C2: variants seen among roughly 807,000 people sequenced by gnomAD.
C2 encodes the protein complement C2.
C2 carries 64 observed loss-of-function variants against 85.2 expected under a neutral mutation model. That is an observed-to-expected ratio of 0.75 (90% confidence interval 0.61 to 0.92). C2 has a LOEUF of 0.92. C2 is among the 40% of genes least tolerant of loss of function. The probability of loss-of-function intolerance (pLI) is 0.00; values close to 1 mark genes in which losing one functional copy is unlikely to be tolerated. For missense variants in C2, 820 were observed against 971.6 expected (o/e 0.84, Z 2.07); for synonymous variants, 311 against 370.8 (o/e 0.84, Z 1.85).
chr6:31,901,324 C>T, intron 1 of C2: 2 of 1,593,916 alleles, frequency 1.3e-6, no homozygotes, highest in Non-Finnish European at 1.7e-6. Flanking sequence ...GGGTGGGCAA[C>T]CCTGGTTGGG....
intron 1 of C2, among the ~76,000 whole-genome samples, chr6:31,902,369 C>T (rs958734811): frequency 3.3e-5 from 5 of 151,814 alleles, no homozygotes; most frequent in African/African-American, 1.2e-4. Context: ...ACTCGCTCCG[C>T]GTCCCCGCGC....
chr6:31,932,849 T>A (rs1047036831), intron 3 of C2, among the ~76,000 whole-genome samples: 4 of 152,258 alleles, frequency 2.6e-5, no homozygotes, highest in Non-Finnish European at 4.4e-5. Flanking sequence ...TGAACGAGAC[T>A]CCGTCTGCAA....
chr6:31,928,788 G>C lies in C2; in HGVS notation c.313G>C (p.Gly105Arg). 6.2e-7 allele frequency: 1 copy of C among 1,614,226 alleles called. No individual in the cohort carries two copies. Among genetic ancestry groups the C allele is most frequent in the Non-Finnish European group, 8.5e-7 (1 of 1,180,030 alleles). Residue 105 changes from glycine to arginine, a missense_variant, in exon 3 of 18, where the codon GGG becomes CGG. Coordinates refer to ENST00000299367, the MANE Select transcript of C2 (RefSeq NM_000063.6). Reference protein sequence around the residue: ...FENGIYTPRLGSYPVGGNVSF... With the variant: ...FENGIYTPRLRSYPVGGNVSF... ...GAATGGCATTTATACCCCACGGCTG[G>C]GGTCCTATCCCGTGGGTGGCAATGT...
upstream of C2, among the ~76,000 whole-genome samples, chr6:31,924,746 T>C (rs1047155108): frequency 6.6e-6 from 1 of 152,188 alleles, no homozygotes; most frequent in African/African-American, 2.4e-5. Context: ...TTAGGCTTCA[T>C]TACGTTCTGG....
chr6:31,934,390 G>A (rs1286439781), intron 6 of C2, 91 bp downstream of exon 6: 9 of 1,527,348 alleles, frequency 5.9e-6, no homozygotes, highest in Non-Finnish European at 8.1e-6. Context: ...CCCACTCACA[G>A]CCCACCTCCT....
intron 1 of C2, among the ~76,000 whole-genome samples, chr6:31,905,928 G>A (rs572247130): frequency 1.1e-4 from 17 of 152,166 alleles, no homozygotes; most frequent in African/African-American, 2.2e-4. Context: ...ATCCAAAACC[G>A]TAGCAAACAT....
chr6:31,907,580 C>CAAAAA (rs752096679), intron 1 of C2, among the ~76,000 whole-genome samples: 1 of 79,166 alleles, frequency 1.3e-5, no homozygotes, highest in African/African-American at 5.3e-5. Flanking sequence ...AAGACCCTGT[C>CAAAAA]AAAAAAAAAA....
In C2 at chr6:31,905,241, C is replaced by T. The variant is rs185648378; in HGVS notation, c.73+4102C>T. ...TTGAGCCCAGCAGTTTGAGACCAGT[C>T]TGGGCAACATAGCAAGACCCCATCT... On this transcript the variant is annotated intron_variant, in intron 1 of 3. Coordinates refer to the C2 transcript ENST00000452202. 3.6e-3 allele frequency among the ~76,000 whole-genome samples: 547 copies of T among 151,900 alleles called. 9 individuals are homozygous for T. The highest frequency in any genetic ancestry group is 3.1e-3 in the Non-Finnish European group (211 of 67,970).
chr6:31,918,979 A>C (rs1019483538), upstream of C2, among the ~76,000 whole-genome samples: 4 of 152,002 alleles, frequency 2.6e-5, no homozygotes, highest in African/African-American at 9.7e-5. Flanking sequence ...CCGTCTATGA[A>C]CTGAAGCTAG....
Position 31,928,993 on chromosome 6 carries a change from G to C in C2, c.442+76G>C, listed in dbSNP as rs1235006408. 2.2e-6 allele frequency: 3 copies of C among 1,383,526 alleles called. No individual in the cohort carries two copies. In the African/African-American group the frequency reaches 4.3e-5, roughly 20 times the overall value. The allele number at this position is 1,383,526 out of a possible 1,614,324, so 85.7% of individuals were successfully genotyped here. On this transcript the variant is annotated intron_variant, in intron 3 of 17. Coordinates refer to ENST00000299367, the MANE Select transcript of C2 (RefSeq NM_000063.6). ...ACCCTGGGGCCCAATGTGCATCCAG[G>C]AAGCCTCTGTGGGGATAGGAGTCTG...
upstream of C2, chr6:31,899,849 C>A (rs78852381): frequency 3.4e-6 from 5 of 1,453,386 alleles, no homozygotes; most frequent in African/African-American, 5.7e-5. Context: ...CCCCCACCCC[C>A]CAATTCTCCT....
chr6:31,939,139 T>G (rs2151763392), intron 8 of C2, 92 bp from the exon 9 acceptor site: 1 of 891,310 alleles, frequency 1.1e-6, no homozygotes, highest in Middle Eastern at 3.0e-4. Context: ...ATGTAAATGT[T>G]GAGGTTCCCA....
chr6:31,923,924 C>G (rs973368149), upstream of C2, among the ~76,000 whole-genome samples: 2 of 151,972 alleles, frequency 1.3e-5, no homozygotes, highest in African/African-American at 2.4e-5. Context: ...CTCAGCCTCC[C>G]GAGTAGCTGG....
At chr6:31,911,511 A>T (rs1344439928) in intron 1 of C2, among the ~76,000 whole-genome samples, 1 of 152,318 alleles carries the variant, frequency 6.6e-6, no homozygotes, top group East Asian at 1.9e-4. Flanking sequence ...TAATGTGAGC[A>T]AAAGGGTTTG....
chr6:31,939,355 CTCCT>C, intron 9 of C2, 35 bp downstream of exon 9: 1 of 1,481,274 alleles, frequency 6.8e-7, no homozygotes, highest in Non-Finnish European at 9.4e-7. Flanking sequence ...ATTTGTTCTG[CTCCT>C]GCAGAGGTCA....
chr6:31,907,177 G>A (rs1380832109), intron 1 of C2, among the ~76,000 whole-genome samples: 1 of 151,316 alleles, frequency 6.6e-6, no homozygotes, highest in African/African-American at 2.4e-5. Context: ...ATTAGAGTTT[G>A]TAAAATTTTG....
upstream of C2, among the ~76,000 whole-genome samples, chr6:31,898,654 T>C (rs900947466): frequency 2.0e-5 from 3 of 151,806 alleles, no homozygotes; most frequent in African/African-American, 7.3e-5. Context: ...TTTTTTTTTT[T>C]TTTTTTAGCT....
upstream of C2, among the ~76,000 whole-genome samples, chr6:31,898,225 T>TAAA (rs1766847644): frequency 1.3e-5 from 2 of 152,278 alleles, no homozygotes; most frequent in Non-Finnish European, 2.9e-5. Flanking sequence ...GCTAAATGTC[T>TAAA]CTTCTGTTTA....
Position 31,934,200 on chromosome 6 carries a change from T to C in C2, c.750T>C (p.Ser250=), listed in dbSNP as rs1770203300. 4.3e-6 allele frequency: 7 copies of C among 1,614,124 alleles called. No individual in the cohort carries two copies. The highest frequency in any genetic ancestry group is 2.2e-5 in the East Asian group (1 of 44,904). The part of the protein sequence containing the change: ...SLGRKIQIQR[S]GHLNLYLLLD... ...GCCGTAAAATCCAAATCCAGCGCTCTGGTCATCTGAACCTCTACCTGCTCC... is the reference window on the plus strand; with the variant it reads ...GCCGTAAAATCCAAATCCAGCGCTCCGGTCATCTGAACCTCTACCTGCTCC... The change falls in exon 6 of 18, where the codon TCT becomes TCC. Residue 250 remains serine (S), a synonymous_variant. Coordinates refer to ENST00000299367, the MANE Select transcript of C2 (RefSeq NM_000063.6).
Sources: gnomAD v4.1 joint callset for allele counts (sites outside exome capture counted in the v4.1 genomes callset) on GRCh38, gnomAD v4.1.1 for gene constraint, MANE v1.5 for transcripts, NCBI Gene and HGNC (gene_info 2026-07-23, HGNC 2026-07-21) for gene names.